HIF1A: variants seen among roughly 807,000 people sequenced by gnomAD.
The protein encoded by HIF1A is hypoxia-inducible factor 1-alpha.
In HIF1A, 24 loss-of-function variants were observed where a neutral mutation model predicts 92.7. The ratio of observed to expected loss-of-function variants is 0.26; its 90% CI spans 0.19 to 0.36. The LOEUF is 0.36. HIF1A is among the 10% of genes least tolerant of loss of function. The pLI, the probability that HIF1A is intolerant of heterozygous loss-of-function variation, is 1.00. For synonymous variants in HIF1A, 319 were observed against 338.7 expected, an observed-to-expected ratio of 0.94 and a Z score of 0.64; for missense variants, 799 against 998.5, an observed-to-expected ratio of 0.80 and a Z score of 2.69.
At position 61,726,800 on chromosome 14, in the gene HIF1A, A is replaced by G; in HGVS notation, c.552A>G (p.Ile184Met). The G allele has an allele frequency of 1.9e-6, 3 of 1,596,710 alleles. No individual in the cohort carries two copies. The highest frequency in any genetic ancestry group is 1.7e-5 in the Admixed American group (1 of 57,910). The change falls in exon 5 of 15, where the codon ATA becomes ATG. Residue 184 changes from isoleucine (I) to methionine (M), a missense_variant. By Grantham distance (10) the Ile-to-Met change is conservative. Coordinates refer to ENST00000337138, the MANE Select transcript of HIF1A (RefSeq NM_001530.4). Reference protein sequence around the residue: ...TLTSRGRTMNIKSATWKVLHC... With the variant: ...TLTSRGRTMNMKSATWKVLHC... Reference sequence around the variant, plus strand: ...CTAGCCGAGGAAGAACTATGAACATAAAGTCTGCAACATGGAAGGTAAGTG... The same window carrying G: ...CTAGCCGAGGAAGAACTATGAACATGAAGTCTGCAACATGGAAGGTAAGTG...
intron 7 of HIF1A, 127 bp from the exon 8 acceptor site, chr14:61,734,011 C>T: frequency 1.6e-6 from 1 of 627,254 alleles, no homozygotes; most frequent in East Asian, 3.1e-5. Flanking sequence ...TAAGCAGTTA[C>T]AACTGATTCC....
intron 6 of HIF1A, among the ~76,000 whole-genome samples, chr14:61,730,315 G>A (rs1594878143): frequency 6.6e-6 from 1 of 152,132 alleles, no homozygotes; most frequent in South Asian, 2.1e-4. Context: ...TTCTAGGAAA[G>A]CATATACAGT....
rs920392753 is a variant in HIF1A at position 61,695,907 on chromosome 14, C to A, written c.35+68C>A. 1.7e-5 allele frequency: 24 copies of A among 1,444,198 alleles called. 1 individual carries two copies. The South Asian group carries it at 2.9e-4, about 18-fold the overall frequency. The allele number at this position is 1,444,198 out of a possible 1,614,324, so 89.5% of individuals were successfully genotyped here. A position where few individuals can be genotyped will look rare whatever the true frequency, so the allele number is the denominator to read the frequency against. On this transcript the variant is annotated intron_variant, in intron 1 of 14. Coordinates refer to ENST00000337138, the MANE Select transcript of HIF1A (RefSeq NM_001530.4). ...CCCGCCCGCCTGCCCGCCCTGGGCT[C>A]CTGGGCCGGCCTCGGCGTTAATGGG...
chr14:61,742,387 C>T (rs2044722389), intron 12 of HIF1A, among the ~76,000 whole-genome samples: 1 of 152,154 alleles, frequency 6.6e-6, no homozygotes, highest in Non-Finnish European at 1.5e-5. Context: ...CCACCTTGAC[C>T]TAGAGTGCTG....
chr14:61,704,835 G>A (rs909750220), intron 1 of HIF1A, among the ~76,000 whole-genome samples: 3 of 152,112 alleles, frequency 2.0e-5, no homozygotes, highest in African/African-American at 7.2e-5. Flanking sequence ...GCATTGAATC[G>A]TTGATGGCTT....
rs10615564 is a variant in HIF1A, at chr14:61,711,207, C to CTTTTTTT, written c.36-9158_36-9152dup. Among the ~76,000 whole-genome samples, 82 of 86,132 alleles carry CTTTTTTT rather than the reference C, an allele frequency of 9.5e-4. 5 individuals carry two copies. Among genetic ancestry groups the CTTTTTTT allele is most frequent in the African/African-American group, 3.2e-3 (75 of 23,238 alleles). 56.5% of individuals were successfully genotyped at this position (86,132 alleles called of 152,430 possible). A position where few individuals can be genotyped will look rare whatever the true frequency, so the allele number is the denominator to read the frequency against. ...AGATGATAAAGATGTTTAAGTATTCCTTTTTTTTTTTTTTTTTTTTTTTGA... is the reference window on the plus strand; with the variant it reads ...AGATGATAAAGATGTTTAAGTATTCCTTTTTTTTTTTTTTTTTTTTTTTTTTTTTTGA... On this transcript the variant is annotated intron_variant, in intron 1 of 14. Transcript: ENST00000337138.
intron 4 of HIF1A, among the ~76,000 whole-genome samples, chr14:61,723,704 C>G (rs1042677748): frequency 9.2e-5 from 14 of 152,058 alleles, no homozygotes; most frequent in Non-Finnish European, 1.8e-4. Flanking sequence ...TCAGTGCTTC[C>G]CTGGGGCTAG....
chr14:61,735,903 C>T (rs564522604), intron 8 of HIF1A, among the ~76,000 whole-genome samples: 7 of 152,132 alleles, frequency 4.6e-5, no homozygotes, highest in Non-Finnish European at 1.0e-4. Context: ...CACAACAATT[C>T]TGAAGATTTG....
intron 1 of HIF1A, among the ~76,000 whole-genome samples, chr14:61,714,211 TC>T (rs1335879854): frequency 6.6e-6 from 1 of 152,134 alleles, no homozygotes; most frequent in Non-Finnish European, 1.5e-5. Flanking sequence ...AATCTAAGCT[TC>T]CCAAATCTGT....
chr14:61,711,607 T>C (rs192221177), intron 1 of HIF1A, among the ~76,000 whole-genome samples: 1 of 152,338 alleles, frequency 6.6e-6, no homozygotes, highest in East Asian at 1.9e-4. Context: ...ATACTCTTCA[T>C]TGTTATACTG....
In HIF1A at chr14:61,747,494, C is replaced by A. The variant is rs1308966626; in HGVS notation, c.*409C>A. 6.5e-6 allele frequency: 1 copy of A among 152,692 alleles called. No individual in the cohort carries two copies. Among genetic ancestry groups the A allele is most frequent in the Admixed American group, 6.5e-5 (1 of 15,284 alleles). 9.5% of individuals were successfully genotyped at this position (152,692 alleles called of 1,614,324 possible). ...TGAAAAATTTTTACACCTTTTTTTT[C>A]ACATTTTACATAAATAATAATGCTT... On this transcript the variant is annotated 3_prime_UTR_variant, in exon 15 of 15. Coordinates refer to ENST00000337138, the MANE Select transcript of HIF1A (RefSeq NM_001530.4).
intron 1 of HIF1A, among the ~76,000 whole-genome samples, chr14:61,717,808 G>A (rs1276020007): frequency 6.6e-6 from 1 of 152,074 alleles, no homozygotes; most frequent in Non-Finnish European, 1.5e-5. Context: ...GATCACTTGA[G>A]GTCTGGAGTT....
At chr14:61,704,953 G>A (rs776202531) in intron 1 of HIF1A, among the ~76,000 whole-genome samples, 1 of 152,140 alleles carries the variant, frequency 6.6e-6, no homozygotes, top group Non-Finnish European at 1.5e-5. Context: ...TTCTTGCGAA[G>A]TACAGACTTT....
intron 10 of HIF1A, among the ~76,000 whole-genome samples, chr14:61,739,459 G>A (rs1013812895): frequency 6.6e-6 from 1 of 152,088 alleles, no homozygotes; most frequent in African/African-American, 2.4e-5. Flanking sequence ...TTAATAAGTG[G>A]TAAATAATTC....
intron 1 of HIF1A, among the ~76,000 whole-genome samples, chr14:61,713,425 C>T (rs1246563465): frequency 6.6e-6 from 1 of 152,116 alleles, no homozygotes. Context: ...TCTACTGAAT[C>T]AGAATTTACA....
At chr14:61,710,921 G>A (rs28464725) in intron 1 of HIF1A, among the ~76,000 whole-genome samples, 3,051 of 152,022 alleles carry the variant, frequency 0.02, 97 homozygotes, top group African/African-American at 0.07. Context: ...TTAGCCGGGT[G>A]TGGTGGCAGG....
chr14:61,736,269 G>A (rs957026552), intron 8 of HIF1A, among the ~76,000 whole-genome samples: 1 of 152,036 alleles, frequency 6.6e-6, no homozygotes, highest in South Asian at 2.1e-4. Flanking sequence ...GAGCCACCAC[G>A]CCCAGCCTGG....
At chr14:61,728,973 A>G (rs531849185) in intron 6 of HIF1A, among the ~76,000 whole-genome samples, 5 of 152,286 alleles carry the variant, frequency 3.3e-5, no homozygotes, top group African/African-American at 1.2e-4. Flanking sequence ...TGTGTATTTT[A>G]GAAGACTGAA....
intron 6 of HIF1A, among the ~76,000 whole-genome samples, chr14:61,730,691 TTTATCACATTATTTCC>T (rs1161035761): frequency 6.6e-6 from 1 of 152,206 alleles, no homozygotes; most frequent in Non-Finnish European, 1.5e-5. Context: ...CATCACTGCA[TTTATCACATTATTTCC>T]TAAGTAGTAC....
Sources: gnomAD v4.1 joint callset for allele counts (sites outside exome capture counted in the v4.1 genomes callset) on GRCh38, gnomAD v4.1.1 for gene constraint, MANE v1.5 for transcripts, NCBI Gene and HGNC (gene_info 2026-07-23, HGNC 2026-07-21) for gene names.